PCLO: variants seen among roughly 807,000 people sequenced by gnomAD.
PCLO encodes piccolo presynaptic cytomatrix protein, also known as protein piccolo.
PCLO carries 82 observed loss-of-function variants against 427.5 expected under a neutral mutation model. That is an observed-to-expected ratio of 0.19 (90% CI 0.16 to 0.23). The LOEUF is 0.23. Among genes scored for constraint, PCLO ranks in the 10% least tolerant of loss-of-function variants. PCLO has a pLI of 1.00. For synonymous variants in PCLO, 2,357 were observed against 2,155.4 expected, an observed-to-expected ratio of 1.09 and a Z score of -2.59; for missense variants, 6,239 against 6,115.9, an observed-to-expected ratio of 1.02 and a Z score of -0.67.
chr7:82,858,501 A>C (rs952557051), intron 10 of PCLO, among the ~76,000 whole-genome samples: 15 of 152,294 alleles, frequency 9.8e-5, no homozygotes, highest in Non-Finnish European at 1.9e-4. Flanking sequence ...CTGGAGAAGA[A>C]AAGGTTAAAA....
At chr7:83,010,020 T>G (rs1417316404) in intron 3 of PCLO, among the ~76,000 whole-genome samples, 1 of 151,994 alleles carries the variant, frequency 6.6e-6, no homozygotes, top group African/African-American at 2.4e-5. Context: ...GCAAGTTACC[T>G]GGCCTCTTGG....
At chr7:82,838,449 CTTTCAT>C in intron 14 of PCLO, 107 bp from the exon 15 acceptor site, 3 of 643,782 alleles carry the variant, frequency 4.7e-6, no homozygotes, top group Non-Finnish European at 7.6e-6. Flanking sequence ...GAAGCATCAA[CTTTCAT>C]TTTCATTTTA....
intron 10 of PCLO, among the ~76,000 whole-genome samples, chr7:82,854,932 A>G (rs1233445639): frequency 6.6e-6 from 1 of 152,152 alleles, no homozygotes; most frequent in African/African-American, 2.4e-5. Context: ...AAAACTTTTC[A>G]TCACATTTTG....
chr7:82,857,989 T>C (rs1364413407), intron 10 of PCLO, among the ~76,000 whole-genome samples: 1 of 152,170 alleles, frequency 6.6e-6, no homozygotes, highest in Non-Finnish European at 1.5e-5. Flanking sequence ...AGTATTACCC[T>C]GATACCAAGG....
At chr7:83,056,582 C>T (rs1789384338) in intron 3 of PCLO, among the ~76,000 whole-genome samples, 1 of 152,156 alleles carries the variant, frequency 6.6e-6, no homozygotes, top group Non-Finnish European at 1.5e-5. Context: ...TATTCAGCTC[C>T]TACTCTCATC....
chr7:82,929,042 GAGTA>G (rs1487115988), intron 6 of PCLO, among the ~76,000 whole-genome samples: 5 of 152,120 alleles, frequency 3.3e-5, no homozygotes, highest in Admixed American at 6.6e-5. Context: ...TTCTGAGAAA[GAGTA>G]GTTTTTAGGG....
chr7:82,917,561 TAA>T, intron 6 of PCLO, among the ~76,000 whole-genome samples: 1 of 152,226 alleles, frequency 6.6e-6, no homozygotes, highest in East Asian at 1.9e-4. Flanking sequence ...TAATTTGTCA[TAA>T]ACTTGCTTTC....
chr7:83,020,526 G>C (rs1301226012), intron 3 of PCLO, among the ~76,000 whole-genome samples: 2 of 152,114 alleles, frequency 1.3e-5, no homozygotes, highest in African/African-American at 4.8e-5. Context: ...TCTGCCATGT[G>C]AGGGCATAGC....
intron 10 of PCLO, among the ~76,000 whole-genome samples, chr7:82,851,272 T>A (rs563856496): frequency 6.6e-6 from 1 of 151,210 alleles, no homozygotes; most frequent in East Asian, 2.0e-4. Flanking sequence ...GCATTGAGAG[T>A]GCTGTGAACG....
intron 1 of PCLO, among the ~76,000 whole-genome samples, chr7:83,159,057 T>C (rs973909842): frequency 6.6e-6 from 1 of 152,126 alleles, no homozygotes; most frequent in African/African-American, 2.4e-5. Flanking sequence ...ATTTCACTTA[T>C]CTTTGCATCA....
intron 20 of PCLO, among the ~76,000 whole-genome samples, chr7:82,819,332 A>G (rs1791741849): frequency 6.6e-6 from 1 of 152,130 alleles, no homozygotes; most frequent in Admixed American, 6.6e-5. Context: ...AAAAGGGATT[A>G]AAAACACTTT....
chr7:82,932,167 T>G (rs1584174098), intron 6 of PCLO, among the ~76,000 whole-genome samples: 1 of 152,032 alleles, frequency 6.6e-6, no homozygotes, highest in East Asian at 1.9e-4. Flanking sequence ...GTTTAGCAGG[T>G]GGATGGTCTG....
intron 3 of PCLO, among the ~76,000 whole-genome samples, chr7:83,084,250 G>A (rs1286259636): frequency 1.3e-5 from 2 of 151,720 alleles, no homozygotes; most frequent in African/African-American, 4.9e-5. Flanking sequence ...TGGAGGTAGT[G>A]TGAAAGCACC....
At chr7:82,914,608 G>A (rs1239242574) in intron 7 of PCLO, 78 bp downstream of exon 7, 1 of 1,388,486 alleles carries the variant, frequency 7.2e-7, no homozygotes, top group Non-Finnish European at 1.0e-6. Flanking sequence ...ATACATCTCT[G>A]GAGAAGGGAA....
In PCLO at chr7:82,915,984, T is replaced by C. The variant is rs1317440787; in HGVS notation, c.12002A>G (p.His4001Arg). ...VSTDNTFAVS[H>R]LGSKYNSLDL... ...TAAACTATTGTACTTACTACCAAGA[T>C]GGGAAACAGCAAATGTGTTATCCGT... is the stretch of plus-strand genomic sequence containing the variant. The change falls in exon 7 of 25, where the codon CAT becomes CGT. Residue 4001 changes from histidine (H) to arginine (R), a missense_variant. Transcript: ENST00000333891. 6 of 1,612,766 alleles carry C rather than the reference T, an allele frequency of 3.7e-6. No homozygotes were observed. In the African/African-American group the frequency reaches 4.0e-5, roughly 11 times the overall value.
At chr7:82,967,199 T>G (rs1390058666) in intron 3 of PCLO, among the ~76,000 whole-genome samples, 1 of 129,188 alleles carries the variant, frequency 7.7e-6, no homozygotes, top group Non-Finnish European at 1.5e-5. Context: ...CTTCTTTTCT[T>G]TTTTTTTTTT....
chr7:82,951,491 C>A lies in PCLO; in HGVS notation c.9098-1G>T. 1 of 1,551,904 alleles carries A rather than the reference C, an allele frequency of 6.4e-7. No individual in the cohort carries two copies. Among genetic ancestry groups the A allele is most frequent in the East Asian group, 2.4e-5 (1 of 42,224 alleles). ...TTGCTTGAATAATCCATTACCTCAC[C>A]TGAAATACAGGGCAGAGTTATAGTC... On this transcript the variant is annotated splice_acceptor_variant, in intron 5 of 24. Coordinates refer to ENST00000333891, the MANE Select transcript of PCLO (RefSeq NM_033026.6). LOFTEE classifies it high-confidence loss of function.
In PCLO at chr7:82,914,819, C is replaced by T. The variant is rs1031092478; in HGVS notation, c.13167G>A (p.Arg4389=). 3.7e-6 allele frequency: 6 copies of T among 1,613,434 alleles called. 1 individual carries two copies. In the Middle Eastern group the frequency reaches 8.3e-4, roughly 222 times the overall value. Residue 4389 remains arginine (R), a synonymous_variant, in exon 7 of 25, where the codon AGG becomes AGA. Coordinates refer to ENST00000333891, the MANE Select transcript of PCLO (RefSeq NM_033026.6). ...ATGAGTGGCTTGATCCAAACTGATC[C>T]CTGGTGTCTGCAGATATTGGTGGCA... ...GPLPPISADT[R]DQFGSSHSLP... is the part of the protein sequence containing the mutation.
intron 22 of PCLO, among the ~76,000 whole-genome samples, chr7:82,762,631 A>C (rs2129467593): frequency 7.8e-6 from 1 of 128,762 alleles, no homozygotes; most frequent in Admixed American, 7.9e-5. Flanking sequence ...ATTTAAAAAT[A>C]TTTATTAATC....
Sources: gnomAD v4.1 joint callset for allele counts (sites outside exome capture counted in the v4.1 genomes callset) on GRCh38, gnomAD v4.1.1 for gene constraint, MANE v1.5 for transcripts, NCBI Gene and HGNC (gene_info 2026-07-23, HGNC 2026-07-21) for gene names.